ABHD15: variants seen among roughly 807,000 people sequenced by gnomAD.
ABHD15 encodes the protein protein ABHD15.
ABHD15 carries 34 observed loss-of-function variants against 34.4 expected under a neutral mutation model. The observed-to-expected ratio is 0.99, with a 90% confidence interval of 0.75 to 1.32. The LOEUF (loss-of-function observed/expected upper bound fraction) is 1.32. ABHD15 is among the 40% of genes most tolerant of loss of function. ABHD15 has a pLI of 0.00. For missense variants in ABHD15, 644 were observed against 650.4 expected (o/e 0.99, Z 0.11); for synonymous variants, 314 against 299.2 (o/e 1.05, Z -0.51).
At chr17:29,563,171 A>C (rs980343194) in intron 1 of ABHD15, 85 bp from the exon 2 acceptor site, 14 of 1,463,052 alleles carry the variant, frequency 9.6e-6, no homozygotes, top group Middle Eastern at 4.7e-4. Flanking sequence ...ACAGACAGAC[A>C]GCCCGCAGGC....
rs1345720218 is a variant in ABHD15, at chr17:29,562,396, G to A, written c.*165C>T. 29 of 751,128 alleles carry A rather than the reference G, an allele frequency of 3.9e-5. No homozygotes were observed. The highest frequency in any genetic ancestry group is 2.4e-4 in the African/African-American group (14 of 57,328). The allele number at this position is 751,128 out of a possible 1,614,324, so 46.5% of individuals were successfully genotyped here. ...CTGAGGATGAAGTGAGTGCAGGCTC[G>A]CAGGACGTTCCTTCTCTTTCAAGGC... On this transcript the variant is annotated 3_prime_UTR_variant, in exon 2 of 2. Coordinates refer to ENST00000307201, the MANE Select transcript of ABHD15 (RefSeq NM_198147.3).
Position 29,562,806 on chromosome 17 carries a change from G to A in ABHD15, c.1162C>T (p.His388Tyr), listed in dbSNP as rs1598543082. Residue 388 changes from histidine (H) to tyrosine (Y), a missense_variant, in exon 2 of 2, where the codon CAC becomes TAC. By Grantham distance (83) the His-to-Tyr change is moderately conservative (BLOSUM62 2). Coordinates refer to ENST00000307201, the MANE Select transcript of ABHD15 (RefSeq NM_198147.3). The part of the protein sequence containing the change: ...NPYFFLLLSR[H>Y]GGHCGFLRQE... ...CGCAGGAAGCCACAGTGGCCTCCGT[G>A]GCGACTGAGCAGGAGGAAGAAGTAG... 1 of 1,613,400 alleles carries A rather than the reference G, an allele frequency of 6.2e-7. No individual in the cohort carries two copies. The highest frequency in any genetic ancestry group is 8.5e-7 in the Non-Finnish European group (1 of 1,179,418).
At position 29,561,221 on chromosome 17, in the gene ABHD15, C is replaced by G. The variant is rs928400057; in HGVS notation, c.*1340G>C. 1 of 152,172 alleles carries G rather than the reference C, an allele frequency of 6.6e-6. No individual in the cohort carries two copies. Among genetic ancestry groups the G allele is most frequent in the Non-Finnish European group, 1.5e-5 (1 of 68,016 alleles). 9.4% of individuals were successfully genotyped at this position (152,172 alleles called of 1,614,324 possible). On this transcript the variant is annotated 3_prime_UTR_variant, in exon 2 of 2. Transcript: ENST00000307201. ...TTTTTGAGGTCAGAACAGGAGCCCT[C>G]TTTCTCAATGACGATTAAAATAAAA...
rs555254126 is a variant in ABHD15, at chr17:29,560,716, G to C, written c.*1845C>G. On this transcript the variant is annotated 3_prime_UTR_variant, in exon 2 of 2. Transcript: ENST00000307201. The stretch of plus-strand genomic sequence containing the variant: ...GTCGCCCAGGCTGGAGTGCAGTGGT[G>C]CGATCTCAGCTCACTGCAAGCTCCG... 6.6e-6 allele frequency: 1 copy of C among 151,708 alleles called. No individual in the cohort carries two copies. Among genetic ancestry groups the C allele is most frequent in the East Asian group, 1.9e-4 (1 of 5,152 alleles). 9.4% of individuals were successfully genotyped at this position (151,708 alleles called of 1,614,324 possible).
In ABHD15 at chr17:29,563,459, C is replaced by T. The variant is rs144463612; in HGVS notation, c.882-373G>A. ...TATTCAGGAGGCTGAGGTGGGAGGA[C>T]TGCTTGAGCCTGGGAGGTCAAGGCT... On this transcript the variant is annotated intron_variant, in intron 1 of 1. Coordinates refer to ENST00000307201, the MANE Select transcript of ABHD15 (RefSeq NM_198147.3). Among the ~76,000 whole-genome samples, 1,446 of 151,754 alleles carry T rather than the reference C, an allele frequency of 9.5e-3. 10 individuals are homozygous for T. Among genetic ancestry groups the T allele is most frequent in the Non-Finnish European group, 0.016 (1,063 of 67,940 alleles).
rs2032651872 is a variant in ABHD15 at position 29,562,978 on chromosome 17, G to A, written c.990C>T (p.Ile330=). The A allele has an allele frequency of 6.2e-7, 1 of 1,613,928 alleles. No individual in the cohort carries two copies. The highest frequency in any genetic ancestry group is 8.5e-7 in the Non-Finnish European group (1 of 1,180,040). Reference sequence around the variant, plus strand: ...TGCGGTCCCAGTAGGTATCCCAGCTGATGGGGAAGCTTTTGGTGTGGCAGA... The same window carrying A: ...TGCGGTCCCAGTAGGTATCCCAGCTAATGGGGAAGCTTTTGGTGTGGCAGA... ...ALFCHTKSFP[I]SWDTYWDRND... The change falls in exon 2 of 2, where the codon ATC becomes ATT. Residue 330 remains isoleucine, a synonymous_variant. Coordinates refer to ENST00000307201, the MANE Select transcript of ABHD15 (RefSeq NM_198147.3).
intron 1 of ABHD15, among the ~76,000 whole-genome samples, chr17:29,564,574 C>T (rs1301429688): frequency 6.6e-6 from 1 of 152,220 alleles, no homozygotes; most frequent in African/African-American, 2.4e-5. Flanking sequence ...TAATCTCTGA[C>T]CAGGCATAGT....
Position 29,566,610 on chromosome 17 carries a change from C to A in ABHD15, c.357G>T (p.Gly119=). The part of the protein sequence containing the change: ...LCHFVLPVAP[G]PELAREYLQL... The stretch of plus-strand genomic sequence containing the variant: ...GCAGGTACTCCCGGGCCAGCTCAGG[C>A]CCAGGCGCTACGGGCAGGACGAAGT... The change falls in exon 1 of 2, where the codon GGG becomes GGT. Residue 119 remains glycine, a synonymous_variant. Transcript: ENST00000307201. The A allele has an allele frequency of 6.2e-7, 1 of 1,608,988 alleles. No homozygotes were observed. The highest frequency in any genetic ancestry group is 8.5e-7 in the Non-Finnish European group (1 of 1,179,632).
At position 29,566,648 on chromosome 17, in the gene ABHD15, G is replaced by T. The variant is rs1363646764; in HGVS notation, c.319C>A (p.Gln107Lys). 6.2e-7 allele frequency: 1 copy of T among 1,605,132 alleles called. No individual in the cohort carries two copies. The highest frequency in any genetic ancestry group is 8.5e-7 in the Non-Finnish European group (1 of 1,179,240). The change falls in exon 1 of 2, where the codon CAG (glutamine) becomes AAG (lysine). Residue 107 changes from glutamine (Q) to lysine (K), a missense_variant. By Grantham distance (53) the Gln-to-Lys change is moderately conservative (BLOSUM62 1). Coordinates refer to ENST00000307201, the MANE Select transcript of ABHD15 (RefSeq NM_198147.3). ...PRSWFSGPHL[Q>K]TLCHFVLPVA... ...GGCAGGACGAAGTGGCAGAGGGTCT[G>T]CAGGTGGGGCCCGGAGAACCAGGAG... is the stretch of plus-strand genomic sequence containing the variant.
Position 29,562,640 on chromosome 17 carries a change from C to G in ABHD15, c.1328G>C (p.Gly443Ala). 1 of 1,614,088 alleles carries G rather than the reference C, an allele frequency of 6.2e-7. No homozygotes were observed. Among genetic ancestry groups the G allele is most frequent in the Non-Finnish European group, 8.5e-7 (1 of 1,180,014 alleles). The change falls in exon 2 of 2, where the codon GGA becomes GCA. Residue 443 changes from glycine (G) to alanine (A), a missense_variant. Gly to Ala is a moderately conservative substitution (Grantham distance 60). Transcript: ENST00000307201. Reference protein sequence around the residue: ...ASFLGGRRRGGALQRREVSSS... With the variant: ...ASFLGGRRRGAALQRREVSSS... ...AGAGACTTCCCGCCTCTGCAAGGCT[C>G]CCCCACGACGACGGCCCCCAAGGAA...
chr17:29,563,126 G>A (rs73986956), intron 1 of ABHD15, 40 bp from the exon 2 acceptor site: 1 of 1,566,654 alleles, frequency 6.4e-7, no homozygotes, highest in Admixed American at 1.7e-5. Flanking sequence ...GGGAAAGAGA[G>A]GGAAGAATGA....
rs992236446 is a variant in ABHD15 at position 29,566,989 on chromosome 17, G to A, written c.-23C>T. On this transcript the variant is annotated 5_prime_UTR_variant, in exon 1 of 2. Transcript: ENST00000307201. ...CATGGCGAAGCTGGAGAGCCCCGGC[G>A]GGCAGCGGGCGGCGGGGCCGTCTAC... 2 of 1,292,298 alleles carry A rather than the reference G, an allele frequency of 1.5e-6. No individual in the cohort carries two copies. The highest frequency in any genetic ancestry group is 2.0e-6 in the Non-Finnish European group (2 of 1,025,622). The allele number at this position is 1,292,298 out of a possible 1,614,324, so 80.1% of individuals were successfully genotyped here. A position where few individuals can be genotyped will look rare whatever the true frequency, so the allele number is the denominator to read the frequency against.
At position 29,566,771 on chromosome 17, in the gene ABHD15, G is replaced by A; in HGVS notation, c.196C>T (p.Leu66=). 2.6e-6 allele frequency: 4 copies of A among 1,522,738 alleles called. No individual in the cohort carries two copies. The highest frequency in any genetic ancestry group is 3.5e-6 in the Non-Finnish European group (4 of 1,142,096). 94.3% of individuals were successfully genotyped at this position (1,522,738 alleles called of 1,614,324 possible). A position where few individuals can be genotyped will look rare whatever the true frequency, so the allele number is the denominator to read the frequency against. ...CAAACAAGGCTGCACCCTCCCGGCAGTGGCTCGCGCCCGTCGCTGAACTGG... is the reference window on the plus strand; with the variant it reads ...CAAACAAGGCTGCACCCTCCCGGCAATGGCTCGCGCCCGTCGCTGAACTGG... ...ADQFSDGREP[L]PGGCSLVCKP... is the part of the protein sequence containing the mutation. Residue 66 remains leucine (L), a synonymous_variant, in exon 1 of 2, where the codon CTG becomes TTG. Coordinates refer to ENST00000307201, the MANE Select transcript of ABHD15 (RefSeq NM_198147.3).
rs368140784 is a variant in ABHD15 at position 29,562,808 on chromosome 17, C to T, written c.1160G>A (p.Arg387His). 57 of 1,613,236 alleles carry T rather than the reference C, an allele frequency of 3.5e-5. No individual in the cohort carries two copies. In the Admixed American group the frequency reaches 3.8e-4, roughly 11 times the overall value. The change falls in exon 2 of 2, where the codon CGC becomes CAC. Residue 387 changes from arginine to histidine, a missense_variant. By Grantham distance (29) the Arg-to-His change is conservative. Transcript: ENST00000307201. ...SNPYFFLLLS[R>H]HGGHCGFLRQ... is the part of the protein sequence containing the mutation. The stretch of plus-strand genomic sequence containing the variant: ...CAGGAAGCCACAGTGGCCTCCGTGG[C>T]GACTGAGCAGGAGGAAGAAGTAGGG...
chr17:29,563,384 T>TAAA (rs34446912), intron 1 of ABHD15, among the ~76,000 whole-genome samples: 2 of 121,544 alleles, frequency 1.6e-5, no homozygotes, highest in South Asian at 5.4e-4. Flanking sequence ...AACCCATCTC[T>TAAA]AAAAAAAAAA....
rs2032634792 is a variant in ABHD15 at position 29,562,128 on chromosome 17, C to T, written c.*433G>A. Reference sequence around the variant, plus strand: ...GAGGGAAGTGGGGCCGAGACACAAACATCCTGTCCTCATGACATCAAATGG... The same window carrying T: ...GAGGGAAGTGGGGCCGAGACACAAATATCCTGTCCTCATGACATCAAATGG... On this transcript the variant is annotated 3_prime_UTR_variant, in exon 2 of 2. Transcript: ENST00000307201. 6.4e-6 allele frequency: 1 copy of T among 156,276 alleles called. No individual in the cohort carries two copies. Among genetic ancestry groups the T allele is most frequent in the Admixed American group, 6.2e-5 (1 of 16,054 alleles). 9.7% of individuals were successfully genotyped at this position (156,276 alleles called of 1,614,324 possible).
chr17:29,562,433 A>G lies in ABHD15; in HGVS notation c.*128T>C. On this transcript the variant is annotated 3_prime_UTR_variant, in exon 2 of 2. Coordinates refer to ENST00000307201, the MANE Select transcript of ABHD15 (RefSeq NM_198147.3). ...TTCTCTTTCAAGGCACCAATTTAAG[A>G]GAGAGGGACTGAATGAGGAGCACAG... 9.3e-7 allele frequency: 1 copy of G among 1,072,462 alleles called. No homozygotes were observed. Among genetic ancestry groups the G allele is most frequent in the Non-Finnish European group, 1.3e-6 (1 of 749,218 alleles). 66.4% of individuals were successfully genotyped at this position (1,072,462 alleles called of 1,614,324 possible).
rs573969692 is a variant in ABHD15 at position 29,562,402 on chromosome 17, C to T, written c.*159G>A. On this transcript the variant is annotated 3_prime_UTR_variant, in exon 2 of 2. Transcript: ENST00000307201. The stretch of plus-strand genomic sequence containing the variant: ...ATGAAGTGAGTGCAGGCTCGCAGGA[C>T]GTTCCTTCTCTTTCAAGGCACCAAT... 111 of 793,750 alleles carry T rather than the reference C, an allele frequency of 1.4e-4. No individual in the cohort carries two copies. Among genetic ancestry groups the T allele is most frequent in the African/African-American group, 1.3e-3 (78 of 58,162 alleles). 49.2% of individuals were successfully genotyped at this position (793,750 alleles called of 1,614,324 possible). A position where few individuals can be genotyped will look rare whatever the true frequency, so the allele number is the denominator to read the frequency against.
In ABHD15 at chr17:29,566,299, C is replaced by T. The variant is rs141623302; in HGVS notation, c.668G>A (p.Arg223His). 106 of 1,611,376 alleles carry T rather than the reference C, an allele frequency of 6.6e-5. No homozygotes were observed. Among genetic ancestry groups the T allele is most frequent in the Middle Eastern group, 4.9e-4 (3 of 6,068 alleles). The change falls in exon 1 of 2, where the codon CGC becomes CAC. Residue 223 changes from arginine (R) to histidine (H), a missense_variant. Physicochemically the swap from Arg to His is conservative, Grantham distance 29 (BLOSUM62 0). Coordinates refer to ENST00000307201, the MANE Select transcript of ABHD15 (RefSeq NM_198147.3). The part of the protein sequence containing the change: ...SDLKEAVTYI[R>H]FRHPAAPLFA... ...CAGCGGCGCCGCCGGGTGTCGGAAG[C>T]GGATGTATGTGACCGCCTCCTTGAG...
Sources: allele counts gnomAD v4.1 joint callset (sites outside exome capture counted in the v4.1 genomes callset), GRCh38; gene constraint gnomAD v4.1.1; transcripts MANE v1.5; gene names NCBI Gene and HGNC (gene_info 2026-07-23, HGNC 2026-07-21).